The following PDE5A variants were observed in gnomAD, a reference collection of about 807,000 sequenced individuals.
The protein encoded by PDE5A is phosphodiesterase 5A.
PDE5A carries 67 observed loss-of-function variants against 110.2 expected under a neutral mutation model. That is an observed-to-expected ratio of 0.61 (90% CI 0.50 to 0.75). The LOEUF is 0.75. Among genes scored for constraint, PDE5A ranks in the 30% least tolerant of loss-of-function variants. The pLI is 0.00. For synonymous variants in PDE5A, 328 were observed against 351.2 expected (o/e 0.93, Z 0.74); for missense variants, 862 against 1,045.1 (o/e 0.82, Z 2.42).
At chr4:119,581,558 T>A (rs544053601) in intron 3 of PDE5A, among the ~76,000 whole-genome samples, 6 of 152,328 alleles carry the variant, frequency 3.9e-5, no homozygotes, top group Non-Finnish European at 8.8e-5. Context: ...TCCCTCCAAA[T>A]GGAAGATGTG....
At position 119,502,671 on chromosome 4, in the gene PDE5A, G is replaced by C. The variant is rs1725396368; in HGVS notation, c.2332-16C>G. ...GTTCTGCTATCTGAAATAAATAACAGACTCAGTTTTGACAATGAAAAGCAT... is the reference window on the plus strand; with the variant it reads ...GTTCTGCTATCTGAAATAAATAACACACTCAGTTTTGACAATGAAAAGCAT... On this transcript the variant is annotated splice_polypyrimidine_tract_variant and intron_variant, in intron 18 of 20. Transcript: ENST00000354960. 2 of 1,530,692 alleles carry C rather than the reference G, an allele frequency of 1.3e-6. No homozygotes were observed. The highest frequency in any genetic ancestry group is 1.1e-5 in the South Asian group (1 of 87,948). The allele number at this position is 1,530,692 out of a possible 1,614,324, so 94.8% of individuals were successfully genotyped here.
At chr4:119,595,761 C>G (rs79048476) in intron 3 of PDE5A, among the ~76,000 whole-genome samples, 4 of 152,174 alleles carry the variant, frequency 2.6e-5, no homozygotes, top group African/African-American at 9.6e-5. Context: ...TGTGGGACCT[C>G]TTGGTCTCCA....
intron 1 of PDE5A, among the ~76,000 whole-genome samples, chr4:119,609,018 C>T (rs1038619394): frequency 1.3e-5 from 2 of 151,964 alleles, no homozygotes; most frequent in African/African-American, 4.8e-5. Flanking sequence ...AAAAATTAGC[C>T]GGGCTTGGTG....
intron 18 of PDE5A, 150 bp downstream of exon 18, chr4:119,504,386 A>G: frequency 1.7e-6 from 1 of 577,306 alleles, no homozygotes. Context: ...TGACTTTGCT[A>G]TTATATAATA....
At chr4:119,564,861 A>C (rs1727869859) in intron 5 of PDE5A, among the ~76,000 whole-genome samples, 1 of 152,136 alleles carries the variant, frequency 6.6e-6, no homozygotes, top group South Asian at 2.1e-4. Flanking sequence ...GTAAAAGAAA[A>C]AGTCCAGATG....
At chr4:119,591,828 G>T (rs749986063) in intron 3 of PDE5A, among the ~76,000 whole-genome samples, 3 of 152,114 alleles carry the variant, frequency 2.0e-5, no homozygotes, top group Non-Finnish European at 2.9e-5. Flanking sequence ...GAAGGAAGGA[G>T]AATGGGGAGG....
At chr4:119,553,366 T>A (rs1441693527) in intron 8 of PDE5A, among the ~76,000 whole-genome samples, 2 of 150,232 alleles carry the variant, frequency 1.3e-5, no homozygotes, top group African/African-American at 2.4e-5. Context: ...TCATTGACAT[T>A]ATGTAGGTAA....
At chr4:119,561,436 G>A (rs556905976) in intron 6 of PDE5A, among the ~76,000 whole-genome samples, 5 of 152,180 alleles carry the variant, frequency 3.3e-5, no homozygotes, top group African/African-American at 9.6e-5. Flanking sequence ...ATATTGTTGC[G>A]CTATACTTCC....
At chr4:119,625,766 A>C (rs188702967) in intron 1 of PDE5A, among the ~76,000 whole-genome samples, 1 of 152,272 alleles carries the variant, frequency 6.6e-6, no homozygotes, top group African/African-American at 2.4e-5. Flanking sequence ...GTTAAAACGT[A>C]TGCAATAAGT....
chr4:119,618,442 G>A (rs939098468), intron 1 of PDE5A, among the ~76,000 whole-genome samples: 4 of 151,986 alleles, frequency 2.6e-5, no homozygotes, highest in Non-Finnish European at 5.9e-5. Context: ...ATAAAAGAGA[G>A]AGGGCTGTTT....
chr4:119,623,714 C>T (rs1276859007), intron 1 of PDE5A, among the ~76,000 whole-genome samples: 3 of 152,102 alleles, frequency 2.0e-5, no homozygotes, highest in African/African-American at 7.2e-5. Flanking sequence ...CTAAAAATTT[C>T]CTCATCTTGA....
At chr4:119,609,628 C>T (rs1002257109) in intron 1 of PDE5A, among the ~76,000 whole-genome samples, 2 of 151,910 alleles carry the variant, frequency 1.3e-5, no homozygotes, top group Middle Eastern at 6.8e-3. Flanking sequence ...AAAATATTAC[C>T]CCCCTTATAA....
chr4:119,535,741 C>G (rs756026304), intron 11 of PDE5A, among the ~76,000 whole-genome samples: 9 of 152,100 alleles, frequency 5.9e-5, no homozygotes, highest in Non-Finnish European at 1.2e-4. Context: ...AATAAAGATT[C>G]TGAATTTCCT....
chr4:119,609,894 A>C (rs1429009661), intron 1 of PDE5A, among the ~76,000 whole-genome samples: 1 of 152,202 alleles, frequency 6.6e-6, no homozygotes, highest in Non-Finnish European at 1.5e-5. Context: ...AAATACATAA[A>C]ATTCTTGTCA....
chr4:119,563,418 A>T (rs1727814275), intron 5 of PDE5A, among the ~76,000 whole-genome samples: 1 of 152,208 alleles, frequency 6.6e-6, no homozygotes, highest in African/African-American at 2.4e-5. Flanking sequence ...AGCACAGTAA[A>T]TATTACCCGT....
At chr4:119,594,437 C>T (rs770998115) in intron 3 of PDE5A, among the ~76,000 whole-genome samples, 1 of 151,978 alleles carries the variant, frequency 6.6e-6, no homozygotes, top group Non-Finnish European at 1.5e-5. Context: ...TTCCTAAGTG[C>T]ACGGAATCTT....
At chr4:119,589,451 C>T (rs1728884123) in intron 3 of PDE5A, among the ~76,000 whole-genome samples, 1 of 140,266 alleles carries the variant, frequency 7.1e-6, no homozygotes, top group African/African-American at 2.6e-5. Context: ...AAGATCTGAG[C>T]TTCTCTGTAA....
chr4:119,607,182 C>T lies in PDE5A; in HGVS notation c.268G>A (p.Asp90Asn), dbSNP rs778424747. The T allele has an allele frequency of 1.2e-5, 20 of 1,614,018 alleles. No homozygotes were observed. The highest frequency in any genetic ancestry group is 3.3e-5 in the Admixed American group (2 of 60,002). Residue 90 changes from aspartate (D) to asparagine (N), a missense_variant, in exon 2 of 21, where the codon GAT becomes AAT. By Grantham distance (23) the Asp-to-Asn change is conservative. Transcript: ENST00000354960. ...GTTGGTGTTCCAGGGGCACTGTTAT[C>T]TGCACGAGGACTCTGCTGCAAGGGA... ...SCPLQQSPRA[D>N]NSAPGTPTRK...
chr4:119,595,146 C>CA (rs1277921661), intron 3 of PDE5A, among the ~76,000 whole-genome samples: 1 of 152,018 alleles, frequency 6.6e-6, no homozygotes, highest in African/African-American at 2.4e-5. Flanking sequence ...ATATTGAAAT[C>CA]AGAAACATTC....
Sources: gnomAD v4.1 joint callset for allele counts (sites outside exome capture counted in the v4.1 genomes callset) on GRCh38, gnomAD v4.1.1 for gene constraint, MANE v1.5 for transcripts, NCBI Gene and HGNC (gene_info 2026-07-23, HGNC 2026-07-21) for gene names.